Variants in KLF12 observed in about 807,000 individuals in gnomAD.
The protein encoded by KLF12 is Krueppel-like factor 12.
Under a neutral mutation model 37.8 loss-of-function variants are expected in KLF12, and 9 were observed. The observed-to-expected ratio is 0.24, with a 90% CI of 0.14 to 0.42. The LOEUF is 0.42. KLF12 is among the 10% of genes least tolerant of loss of function. The pLI, the probability that KLF12 is intolerant of heterozygous loss-of-function variation, is 1.00. For synonymous variants in KLF12, 208 were observed against 202.1 expected, an observed-to-expected ratio of 1.03 and a Z score of -0.25; for missense variants, 411 against 516.0, an observed-to-expected ratio of 0.80 and a Z score of 1.97.
chr13:74,171,337 AGGCTGCTCTT>A, the KLF12 span, among the ~76,000 whole-genome samples: 4 of 152,188 alleles, frequency 2.6e-5, no homozygotes, highest in Non-Finnish European at 5.9e-5. Flanking sequence ...ACACAAAGGA[AGGCTGCTCTT>A]GGCATTCTCA....
At chr13:74,255,741 C>T in the KLF12 span, among the ~76,000 whole-genome samples, 1 of 152,196 alleles carries the variant, frequency 6.6e-6, no homozygotes, top group African/African-American at 2.4e-5. Flanking sequence ...TATCTACTGA[C>T]TGCTGCTGCT....
chr13:74,085,145 C>T (rs554282316), intron 1 of KLF12, among the ~76,000 whole-genome samples: 29 of 152,214 alleles, frequency 1.9e-4, no homozygotes, highest in Middle Eastern at 3.4e-3. Context: ...AAAGTACCAG[C>T]AATCAAACCC....
At chr13:74,027,975 AAAG>A (rs748965067) in intron 1 of KLF12, among the ~76,000 whole-genome samples, 4 of 152,178 alleles carry the variant, frequency 2.6e-5, no homozygotes, top group Admixed American at 6.6e-5. Flanking sequence ...CCTTGTAAAG[AAAG>A]AAGAAGAAAA....
the KLF12 span, among the ~76,000 whole-genome samples, chr13:74,157,974 C>T: frequency 5.8e-3 from 886 of 152,294 alleles, 5 homozygotes; most frequent in Middle Eastern, 0.014. Flanking sequence ...TGAGTTGTTG[C>T]TGCTTCTGCT....
At chr13:74,222,148 A>G in the KLF12 span, among the ~76,000 whole-genome samples, 1 of 152,236 alleles carries the variant, frequency 6.6e-6, no homozygotes, top group Non-Finnish European at 1.5e-5. Context: ...TTCCACAGCC[A>G]TGATCCCAAT....
At chr13:74,081,924 A>G (rs1183083631) in intron 1 of KLF12, among the ~76,000 whole-genome samples, 1 of 152,192 alleles carries the variant, frequency 6.6e-6, no homozygotes, top group African/African-American at 2.4e-5. Flanking sequence ...ATGTCTGTAC[A>G]TGCCCATTAG....
At position 73,765,076 on chromosome 13, in the gene KLF12, TATAA is replaced by T. The variant is rs1028372321; in HGVS notation, c.807-80_807-77del. On this transcript the variant is annotated intron_variant, in intron 5 of 7. Coordinates refer to ENST00000377669, the MANE Select transcript of KLF12 (RefSeq NM_007249.5). ...GCAAATTTAAAAAAATGGCATGTTTTATAAATAATTTCTTTTAGAATTGCTTAAT... is the reference window on the plus strand; with the variant it reads ...GCAAATTTAAAAAAATGGCATGTTTTATAATTTCTTTTAGAATTGCTTAAT... 7.5e-5 allele frequency: 63 copies of T among 841,656 alleles called. No homozygotes were observed. The African/African-American group carries it at 8.2e-4, about 11-fold the overall frequency. 52.1% of individuals were successfully genotyped at this position (841,656 alleles called of 1,614,324 possible). A position where few individuals can be genotyped will look rare whatever the true frequency, so the allele number is the denominator to read the frequency against.
chr13:74,238,051 A>G, the KLF12 span, among the ~76,000 whole-genome samples: 5 of 141,936 alleles, frequency 3.5e-5, no homozygotes, highest in Admixed American at 2.7e-4. Flanking sequence ...GTCTTTGCCC[A>G]TTCAGTATGA....
the KLF12 span, among the ~76,000 whole-genome samples, chr13:74,255,678 C>T: frequency 6.6e-6 from 1 of 152,164 alleles, no homozygotes; most frequent in African/African-American, 2.4e-5. Context: ...AAATTATTTT[C>T]TAAGAAATGT....
intron 1 of KLF12, among the ~76,000 whole-genome samples, chr13:74,002,278 C>T (rs1043820716): frequency 3.3e-5 from 5 of 152,232 alleles, no homozygotes; most frequent in African/African-American, 1.2e-4. Context: ...AAAGGGATTG[C>T]TTAACCATAT....
chr13:74,057,619 T>C (rs1205707479), intron 1 of KLF12, among the ~76,000 whole-genome samples: 4 of 152,226 alleles, frequency 2.6e-5, no homozygotes, highest in South Asian at 2.1e-4. Context: ...TCCCCAGTCA[T>C]TGATATACAG....
chr13:73,884,195 G>A (rs1285277616), intron 3 of KLF12, among the ~76,000 whole-genome samples: 1 of 152,192 alleles, frequency 6.6e-6, no homozygotes, highest in Non-Finnish European at 1.5e-5. Flanking sequence ...AAGTTGTTCT[G>A]AGGATTGAAT....
At chr13:74,047,025 G>C (rs773069550) in intron 1 of KLF12, among the ~76,000 whole-genome samples, 31 of 152,060 alleles carry the variant, frequency 2.0e-4, no homozygotes, top group Non-Finnish European at 1.5e-4. Context: ...ATATATATTG[G>C]TTTTTAAACC....
intron 6 of KLF12, among the ~76,000 whole-genome samples, chr13:73,731,140 C>T (rs1877026997): frequency 6.6e-6 from 1 of 151,960 alleles, no homozygotes; most frequent in African/African-American, 2.4e-5. Flanking sequence ...AGAAGTAGAA[C>T]AGTCAGTTCT....
intron 1 of KLF12, among the ~76,000 whole-genome samples, chr13:74,081,432 T>C (rs991544320): frequency 1.1e-4 from 16 of 152,222 alleles, no homozygotes; most frequent in African/African-American, 3.1e-4. Context: ...TCCCTAAATA[T>C]GTACTGATTT....
the KLF12 span, among the ~76,000 whole-genome samples, chr13:74,173,414 G>A: frequency 6.6e-6 from 1 of 152,078 alleles, no homozygotes. Flanking sequence ...GCATTTAGTT[G>A]TAGCCATCTA....
At chr13:74,088,942 T>C (rs1875484219) in intron 1 of KLF12, among the ~76,000 whole-genome samples, 2 of 152,230 alleles carry the variant, frequency 1.3e-5, no homozygotes, top group African/African-American at 4.8e-5. Flanking sequence ...TGGATTGTAC[T>C]GTAAACCACT....
chr13:74,176,908 A>T, the KLF12 span, among the ~76,000 whole-genome samples: 1 of 152,180 alleles, frequency 6.6e-6, no homozygotes, highest in Non-Finnish European at 1.5e-5. Context: ...TATTGAATTA[A>T]TTAAATTAAT....
chr13:73,866,247 T>C (rs1886171145), intron 3 of KLF12, among the ~76,000 whole-genome samples: 1 of 152,036 alleles, frequency 6.6e-6, no homozygotes, highest in Admixed American at 6.6e-5. Context: ...AGAGCAAGAC[T>C]GCCTCAAAAA....
Sources: gnomAD v4.1 joint callset for allele counts (sites outside exome capture counted in the v4.1 genomes callset) on GRCh38, gnomAD v4.1.1 for gene constraint, MANE v1.5 for transcripts, NCBI Gene and HGNC (gene_info 2026-07-23, HGNC 2026-07-21) for gene names.